Variants in DISC1 observed in about 807,000 individuals in gnomAD.
DISC1 encodes the protein disrupted in schizophrenia 1 protein.
A neutral mutation model predicts 84.5 loss-of-function variants in DISC1; 57 were observed. The observed-to-expected ratio is 0.67, with a 90% confidence interval of 0.55 to 0.84. DISC1 has a LOEUF of 0.84. Ranked by LOEUF, DISC1 falls within the 40% of genes least tolerant of loss-of-function variation. The probability of loss-of-function intolerance (pLI) is 0.00; values close to 1 mark genes in which losing one functional copy is unlikely to be tolerated. For synonymous variants in DISC1, 411 were observed against 415.2 expected (o/e 0.99, Z 0.12); for missense variants, 1,000 against 1,057.8 (o/e 0.95, Z 0.76).
intron 1 of DISC1, chr1:231,670,699 A>T (rs2062533256): frequency 6.6e-6 from 1 of 152,208 alleles, no homozygotes; most frequent in Admixed American, 6.5e-5. Context: ...CATGAAGAGG[A>T]ACAACTCTGA....
At position 231,704,134 on chromosome 1, in the gene DISC1, A is replaced by G. The variant is rs564333976; in HGVS notation, c.1117+2110A>G. ...GTTGAGAGGTAAATGTTCTTGTGGA[A>G]TATGCACAATGCCTGGCATATAGGA... On this transcript the variant is annotated intron_variant, in intron 3 of 12. Coordinates refer to ENST00000439617, the MANE Select transcript of DISC1 (RefSeq NM_018662.3). Among the ~76,000 whole-genome samples the G allele has an allele frequency of 2.0e-5, 3 of 152,358 alleles. No homozygotes were observed. In the South Asian group the frequency reaches 6.2e-4, roughly 32 times the overall value.
chr1:231,681,715 G>C (rs77677337), intron 1 of DISC1, among the ~76,000 whole-genome samples: 1 of 150,772 alleles, frequency 6.6e-6, no homozygotes, highest in Non-Finnish European at 1.5e-5. Flanking sequence ...TTTTTTTTTA[G>C]AAGGAGTTTT....
chr1:231,865,516 T>C (rs2084989862), intron 9 of DISC1, among the ~76,000 whole-genome samples: 1 of 152,248 alleles, frequency 6.6e-6, no homozygotes, highest in Non-Finnish European at 1.5e-5. Flanking sequence ...AACATTAGGT[T>C]GAATTTTGAA....
intron 1 of DISC1, among the ~76,000 whole-genome samples, chr1:231,666,519 A>T (rs898136247): frequency 1.3e-5 from 2 of 152,182 alleles, no homozygotes; most frequent in Admixed American, 1.3e-4. Context: ...GCAAATACCT[A>T]ATCTCATTTT....
At chr1:231,876,533 A>G (rs1169433972) in intron 9 of DISC1, among the ~76,000 whole-genome samples, 1 of 152,248 alleles carries the variant, frequency 6.6e-6, no homozygotes, top group African/African-American at 2.4e-5. Context: ...TTAAGTTCAT[A>G]GCAAGATGTA....
intron 9 of DISC1, among the ~76,000 whole-genome samples, chr1:231,923,423 T>G (rs1353728097): frequency 6.6e-6 from 1 of 152,158 alleles, no homozygotes; most frequent in Non-Finnish European, 1.5e-5. Context: ...GTGCCCTCCC[T>G]TCCAGCTTAC....
At chr1:231,818,639 C>T in intron 9 of DISC1, 122 bp downstream of exon 9, 3 of 1,477,560 alleles carry the variant, frequency 2.0e-6, no homozygotes, top group East Asian at 2.5e-5. Context: ...GAGCACATGG[C>T]CCTTTTCCTT....
intron 10 of DISC1, among the ~76,000 whole-genome samples, chr1:232,004,739 G>A (rs906469587): frequency 2.6e-5 from 4 of 152,040 alleles, no homozygotes; most frequent in Non-Finnish European, 5.9e-5. Flanking sequence ...AAATACCAAA[G>A]TGCCCCCAAC....
At chr1:231,894,300 A>G (rs2087498747) in intron 9 of DISC1, among the ~76,000 whole-genome samples, 1 of 152,262 alleles carries the variant, frequency 6.6e-6, no homozygotes, top group South Asian at 2.1e-4. Flanking sequence ...ACCCATGTAT[A>G]GTAGATGCTA....
intron 11 of DISC1, among the ~76,000 whole-genome samples, chr1:232,024,159 A>G (rs555227975): frequency 2.6e-5 from 4 of 152,034 alleles, no homozygotes; most frequent in Non-Finnish European, 5.9e-5. Flanking sequence ...GGTGCTTCAC[A>G]CTAAAGTTCC....
chr1:231,806,658 A>G (rs2079740173), intron 8 of DISC1, among the ~76,000 whole-genome samples: 1 of 149,618 alleles, frequency 6.7e-6, no homozygotes, highest in South Asian at 2.1e-4. Flanking sequence ...TCGAGGGTGA[A>G]AGGCCTCTTC....
intron 9 of DISC1, among the ~76,000 whole-genome samples, chr1:231,864,020 A>G (rs982733434): frequency 6.6e-6 from 1 of 152,184 alleles, no homozygotes; most frequent in African/African-American, 2.4e-5. Flanking sequence ...GGCTGGTACT[A>G]TAGACTTTTT....
chr1:231,891,803 AG>A (rs2087249578), intron 9 of DISC1, among the ~76,000 whole-genome samples: 1 of 152,216 alleles, frequency 6.6e-6, no homozygotes, highest in Admixed American at 6.5e-5. Context: ...TCTTCCTGGT[AG>A]AAAGCACCAC....
At chr1:231,732,606 C>T (rs1457245324) in intron 3 of DISC1, among the ~76,000 whole-genome samples, 4 of 152,156 alleles carry the variant, frequency 2.6e-5, no homozygotes, top group African/African-American at 7.2e-5. Flanking sequence ...TCCTTTTTGA[C>T]CTTTTTCATT....
At position 231,668,754 on chromosome 1, in the gene DISC1, G is replaced by A. The variant is rs1028543755; in HGVS notation, c.68-25072G>A. Among the ~76,000 whole-genome samples the A allele has an allele frequency of 2.0e-5, 3 of 152,298 alleles. No homozygotes were observed. The South Asian group carries it at 6.2e-4, about 32-fold the overall frequency. On this transcript the variant is annotated intron_variant, in intron 1 of 12. Transcript: ENST00000439617. ...ATAGTGATACCAAAAAAGAATAAAA[G>A]TATCCTTTAAATTGACAAGCACCAT...
chr1:231,668,530 G>A (rs1256731871), intron 1 of DISC1, among the ~76,000 whole-genome samples: 2 of 152,160 alleles, frequency 1.3e-5, no homozygotes, highest in Non-Finnish European at 2.9e-5. Context: ...ATGGCATGGG[G>A]TACCATTGAC....
rs2087143209 is a variant in DISC1 at position 231,890,740 on chromosome 1, A to T, written c.1982-68088A>T. On this transcript the variant is annotated intron_variant, in intron 9 of 12. Coordinates refer to ENST00000439617, the MANE Select transcript of DISC1 (RefSeq NM_018662.3). ...TAAAGTGGTAAATTTTATGTAATGT[A>T]TATTTAATTGCAATAAAAAGGATAA... 2.0e-5 allele frequency among the ~76,000 whole-genome samples: 3 copies of T among 152,208 alleles called. No homozygotes were observed. The South Asian group carries it at 6.2e-4, about 31-fold the overall frequency.
chr1:231,782,006 G>C lies in DISC1; in HGVS notation c.1634+10936G>C, dbSNP rs542854605. 2.6e-4 allele frequency among the ~76,000 whole-genome samples: 40 copies of C among 152,316 alleles called. No homozygotes were observed. The South Asian group carries it at 3.1e-3, about 12-fold the overall frequency. On this transcript the variant is annotated intron_variant, in intron 6 of 12. Coordinates refer to ENST00000439617, the MANE Select transcript of DISC1 (RefSeq NM_018662.3). The stretch of plus-strand genomic sequence containing the variant: ...AAGGGTGATTAATCTACCCTGTGCT[G>C]ATAGCTAGGCTGCTAAGATGACCCA...
chr1:231,960,928 G>A (rs550201225), intron 10 of DISC1, among the ~76,000 whole-genome samples: 89 of 152,266 alleles, frequency 5.8e-4, no homozygotes, highest in Admixed American at 9.8e-4. Context: ...TTGTTAGACT[G>A]GTTCATGAAA....
Sources: allele counts gnomAD v4.1 joint callset (sites outside exome capture counted in the v4.1 genomes callset), GRCh38; gene constraint gnomAD v4.1.1; transcripts MANE v1.5; gene names NCBI Gene and HGNC (gene_info 2026-07-23, HGNC 2026-07-21).